FBXW7: variants seen among roughly 807,000 people sequenced by gnomAD.
FBXW7 encodes F-box and WD repeat domain containing 7.
A neutral mutation model predicts 86.3 loss-of-function variants in FBXW7; 11 were observed. That is an observed-to-expected ratio of 0.13 (90% CI 0.08 to 0.21). FBXW7 has a LOEUF of 0.21. Ranked by LOEUF, FBXW7 falls within the 10% of genes least tolerant of loss-of-function variation. The probability of loss-of-function intolerance (pLI) is 1.00; values close to 1 mark genes in which losing one functional copy is unlikely to be tolerated. For synonymous variants in FBXW7, 313 were observed against 297.9 expected (o/e 1.05, Z -0.52); for missense variants, 488 against 847.4 (o/e 0.58, Z 5.27).
intron 2 of FBXW7, among the ~76,000 whole-genome samples, chr4:152,505,699 CT>C (rs1333001886): frequency 6.6e-6 from 1 of 151,896 alleles, no homozygotes. Context: ...ACAGTGCTGC[CT>C]TCTGGAACAC....
intron 2 of FBXW7, among the ~76,000 whole-genome samples, chr4:152,488,466 G>A (rs529307041): frequency 3.9e-5 from 6 of 152,118 alleles, no homozygotes; most frequent in South Asian, 2.1e-4. Flanking sequence ...AAAGCGATTC[G>A]TTCATTAATG....
At chr4:152,436,131 T>C (rs912928775) in intron 2 of FBXW7, among the ~76,000 whole-genome samples, 1 of 152,168 alleles carries the variant, frequency 6.6e-6, no homozygotes, top group Non-Finnish European at 1.5e-5. Flanking sequence ...AGGAAGAGTC[T>C]CACTTTAAAT....
chr4:152,419,536 C>CACACACACAG (rs1209426451), intron 2 of FBXW7, among the ~76,000 whole-genome samples: 1 of 150,826 alleles, frequency 6.6e-6, no homozygotes, highest in African/African-American at 2.4e-5. Context: ...CACACACACA[C>CACACACACAG]AGAGTGGCAA....
intron 6 of FBXW7, among the ~76,000 whole-genome samples, chr4:152,343,701 GAATGATATAAACAAGCC>G (rs1250392979): frequency 2.0e-5 from 3 of 152,020 alleles, no homozygotes; most frequent in Non-Finnish European, 4.4e-5. Flanking sequence ...ATTAGCACCT[GAATGATATAAACAAGCC>G]AAAAAAATGA....
At chr4:152,490,826 C>T (rs1745779395) in intron 2 of FBXW7, among the ~76,000 whole-genome samples, 1 of 152,016 alleles carries the variant, frequency 6.6e-6, no homozygotes, top group African/African-American at 2.4e-5. Context: ...TGAGCTCACA[C>T]CTTCATTTGG....
chr4:152,330,493 T>C (rs889954977), intron 9 of FBXW7, among the ~76,000 whole-genome samples: 6 of 152,012 alleles, frequency 3.9e-5, no homozygotes, highest in African/African-American at 1.2e-4. Context: ...GATTTTCATT[T>C]ACGTAAGATA....
chr4:152,342,569 T>C (rs914906547), intron 6 of FBXW7, among the ~76,000 whole-genome samples: 1 of 152,204 alleles, frequency 6.6e-6, no homozygotes, highest in Non-Finnish European at 1.5e-5. Flanking sequence ...CTCAATTAGA[T>C]AGACTGTTTT....
Position 152,324,312 on chromosome 4 carries a change from G to A in FBXW7, c.1727C>T (p.Thr576Met), listed in dbSNP as rs1429385222. The A allele has an allele frequency of 6.8e-6, 11 of 1,612,614 alleles. No homozygotes were observed. Among genetic ancestry groups the A allele is most frequent in the Non-Finnish European group, 9.3e-6 (11 of 1,179,304 alleles). Residue 576 changes from threonine to methionine, a missense_variant, in exon 13 of 14, where the codon ACG becomes ATG. Physicochemically the swap from Thr to Met is moderately conservative, Grantham distance 81 (BLOSUM62 -1). Around this residue, in one of 4 missense-constraint regions of FBXW7, gnomAD observed 142 missense variants for 406.6 expected, o/e 0.35. Coordinates refer to ENST00000281708, the MANE Select transcript of FBXW7 (RefSeq NM_001349798.2). ...TGTTAACGACTGGTGCCCTGTTAAC[G>A]TGTGAATGCAATTCCCTGTCTCCAC... Reference protein sequence around the residue: ...WDVETGNCIHTLTGHQSLTSG... With the variant: ...WDVETGNCIHMLTGHQSLTSG...
intron 2 of FBXW7, among the ~76,000 whole-genome samples, chr4:152,456,379 A>G (rs1433550651): frequency 6.7e-6 from 1 of 149,712 alleles, no homozygotes; most frequent in African/African-American, 2.4e-5. Context: ...AAAAAAAAAA[A>G]AAAAAAAACA....
rs530918914 is a variant in FBXW7, at chr4:152,453,598, G to A, written c.-119-41069C>T. Among the ~76,000 whole-genome samples, 12 of 152,068 alleles carry A rather than the reference G, an allele frequency of 7.9e-5. 1 individual carries two copies. In the South Asian group the frequency reaches 8.3e-4, roughly 11 times the overall value. ...CAAGAGAAATATTTTTCTAGTAAAC[G>A]GTGGCAGCAGGTAAGGAGAAAAAAT... On this transcript the variant is annotated intron_variant, in intron 2 of 13. Coordinates refer to ENST00000281708, the MANE Select transcript of FBXW7 (RefSeq NM_001349798.2).
chr4:152,422,369 C>A (rs1017391271), intron 2 of FBXW7, among the ~76,000 whole-genome samples: 1 of 152,148 alleles, frequency 6.6e-6, no homozygotes, highest in African/African-American at 2.4e-5. Context: ...TAGTTGTAAG[C>A]GCAGTAAGTC....
At chr4:152,479,385 TGA>T (rs1744684463) in intron 2 of FBXW7, among the ~76,000 whole-genome samples, 2 of 152,156 alleles carry the variant, frequency 1.3e-5, no homozygotes, top group African/African-American at 4.8e-5. Flanking sequence ...CCTTCAGGGT[TGA>T]GAGAGCAATC....
At chr4:152,455,800 C>T (rs1742344231) in intron 2 of FBXW7, among the ~76,000 whole-genome samples, 1 of 152,184 alleles carries the variant, frequency 6.6e-6, no homozygotes, top group Non-Finnish European at 1.5e-5. Context: ...ACCTCTGCTG[C>T]AGTCATTCAT....
intron 2 of FBXW7, among the ~76,000 whole-genome samples, chr4:152,504,641 G>A (rs527446788): frequency 1.3e-5 from 2 of 152,188 alleles, no homozygotes; most frequent in African/African-American, 4.8e-5. Context: ...TTCAGGTAGC[G>A]AAATACTTAA....
At chr4:152,417,271 G>A (rs80059658) in intron 2 of FBXW7, among the ~76,000 whole-genome samples, 2 of 152,098 alleles carry the variant, frequency 1.3e-5, no homozygotes, top group East Asian at 1.9e-4. Flanking sequence ...GCACACATAC[G>A]TAAGGCCCAA....
intron 4 of FBXW7, among the ~76,000 whole-genome samples, chr4:152,382,897 C>A (rs1342497012): frequency 1.3e-5 from 2 of 152,056 alleles, no homozygotes; most frequent in Non-Finnish European, 2.9e-5. Context: ...AAAACACACA[C>A]ACATATGTAT....
intron 2 of FBXW7, among the ~76,000 whole-genome samples, chr4:152,423,737 A>C (rs1456383631): frequency 6.6e-6 from 1 of 152,200 alleles, no homozygotes; most frequent in Non-Finnish European, 1.5e-5. Flanking sequence ...ACAGAGTATA[A>C]ATTGTATTAT....
chr4:152,356,907 G>A (rs183348380), intron 4 of FBXW7, among the ~76,000 whole-genome samples: 1 of 152,162 alleles, frequency 6.6e-6, no homozygotes, highest in African/African-American at 2.4e-5. Context: ...TTTGTGTTGG[G>A]CACAGAATAT....
rs1414012809 is a variant in FBXW7 at position 152,321,970 on chromosome 4, CAA to C, written c.*909_*910del. 4.3e-6 allele frequency: 1 copy of C among 232,612 alleles called. No homozygotes were observed. Among genetic ancestry groups the C allele is most frequent in the Admixed American group, 5.6e-5 (1 of 17,718 alleles). 14.4% of individuals were successfully genotyped at this position (232,612 alleles called of 1,614,324 possible). ...GCACAGATGGCTCAAGTTTCAGTGG[CAA>C]AAAGTCTTTTTTCCATAACCAAACT... On this transcript the variant is annotated 3_prime_UTR_variant, in exon 14 of 14. Transcript: ENST00000281708.
Sources: gnomAD v4.1 joint callset for allele counts (sites outside exome capture counted in the v4.1 genomes callset) on GRCh38, gnomAD v4.1.1 for gene constraint, gnomAD v4.1.1 regional missense constraint, MANE v1.5 for transcripts, NCBI Gene and HGNC (gene_info 2026-07-23, HGNC 2026-07-21) for gene names.